Variants in TMEM38A observed in about 807,000 individuals in gnomAD.
TMEM38A encodes trimeric intracellular cation channel type A.
Under a neutral mutation model 28.6 loss-of-function variants are expected in TMEM38A, and 17 were observed. The ratio of observed to expected loss-of-function variants is 0.60; its 90% CI spans 0.41 to 0.89. TMEM38A has a LOEUF of 0.89. Ranked by LOEUF, TMEM38A falls within the 40% of genes least tolerant of loss-of-function variation. The probability of loss-of-function intolerance (pLI) is 0.00; values close to 1 mark genes in which losing one functional copy is unlikely to be tolerated. For missense variants in TMEM38A, 328 were observed against 393.1 expected, an observed-to-expected ratio of 0.83 and a Z score of 1.40; for synonymous variants, 169 against 166.1, an observed-to-expected ratio of 1.02 and a Z score of -0.14.
intron 5 of TMEM38A, among the ~76,000 whole-genome samples, chr19:16,686,661 C>G (rs1165713206): frequency 6.6e-6 from 1 of 152,116 alleles, no homozygotes; most frequent in Non-Finnish European, 1.5e-5. Flanking sequence ...GGCCCACTCT[C>G]TTGGGTACAG....
intron 1 of TMEM38A, among the ~76,000 whole-genome samples, chr19:16,668,603 G>A (rs544658491): frequency 4.2e-4 from 63 of 151,762 alleles, no homozygotes; most frequent in African/African-American, 1.4e-3. Context: ...GCTTCCCAAA[G>A]TGTTGGGATT....
chr19:16,686,526 A>T lies in TMEM38A; in HGVS notation c.672+121A>T, dbSNP rs929976528. 1.5e-5 allele frequency: 11 copies of T among 753,384 alleles called. No homozygotes were observed. In the Middle Eastern group the frequency reaches 1.1e-3, roughly 72 times the overall value. 46.7% of individuals were successfully genotyped at this position (753,384 alleles called of 1,614,324 possible). ...TGTGGCTGGGACAGGCAGCCCAGAG[A>T]GGGGAGATGCTTGCCAGTAGGTCAC... On this transcript the variant is annotated intron_variant, in intron 5 of 5. Coordinates refer to ENST00000187762, the MANE Select transcript of TMEM38A (RefSeq NM_024074.4).
intron 1 of TMEM38A, among the ~76,000 whole-genome samples, chr19:16,677,627 A>T (rs919564342): frequency 1.4e-5 from 2 of 142,536 alleles, no homozygotes; most frequent in African/African-American, 5.6e-5. Flanking sequence ...CATGCTCATG[A>T]CTCACTGCAG....
intron 1 of TMEM38A, among the ~76,000 whole-genome samples, chr19:16,664,933 G>A (rs2086696753): frequency 6.6e-6 from 1 of 152,006 alleles, no homozygotes; most frequent in Admixed American, 6.6e-5. Flanking sequence ...GGTCAAGGTT[G>A]GAAGATTGCT....
In TMEM38A at chr19:16,671,210, T is replaced by TTTTTTTTTTTTTG. The variant is rs1196438031; in HGVS notation, c.125-8762_125-8761insGTTTTTTTTTTTT. Among the ~76,000 whole-genome samples the TTTTTTTTTTTTTG allele has an allele frequency of 8.3e-5, 12 of 144,396 alleles. 1 individual carries two copies. The highest frequency in any genetic ancestry group is 2.7e-4 in the African/African-American group (10 of 37,404). 94.7% of individuals were successfully genotyped at this position (144,396 alleles called of 152,430 possible). A position where few individuals can be genotyped will look rare whatever the true frequency, so the allele number is the denominator to read the frequency against. ...GGGGAAAGGACCTGGGCTTTTTTTT[T>TTTTTTTTTTTTTG]TTTTTTTTTTTTTGAGGCGGAGTCT... On this transcript the variant is annotated intron_variant, in intron 1 of 5. Coordinates refer to ENST00000187762, the MANE Select transcript of TMEM38A (RefSeq NM_024074.4).
chr19:16,671,359 T>C (rs1599386787), intron 1 of TMEM38A, among the ~76,000 whole-genome samples: 1 of 152,040 alleles, frequency 6.6e-6, no homozygotes, highest in African/African-American at 2.4e-5. Context: ...TCCGCCACCA[T>C]ACCCAGCTAA....
intron 1 of TMEM38A, among the ~76,000 whole-genome samples, chr19:16,663,648 C>T (rs2086691751): frequency 2.0e-5 from 3 of 151,820 alleles, no homozygotes; most frequent in Non-Finnish European, 2.9e-5. Context: ...CCTGCCTCAG[C>T]CTCCCAAGTA....
intron 1 of TMEM38A, among the ~76,000 whole-genome samples, chr19:16,670,778 A>C (rs2086723876): frequency 6.6e-6 from 1 of 152,074 alleles, no homozygotes. Context: ...ATCTCTACTA[A>C]AAATACAAAA....
chr19:16,667,034 C>A (rs1280718042), intron 1 of TMEM38A, among the ~76,000 whole-genome samples: 4 of 151,360 alleles, frequency 2.6e-5, no homozygotes, highest in African/African-American at 9.7e-5. Flanking sequence ...TTTGGGAGGC[C>A]GAGGCGGGCG....
rs759726797 is a variant in TMEM38A at position 16,661,309 on chromosome 19, T to C, written c.92T>C (p.Ile31Thr). ...LFPVFDLSYF[I>T]VSILYLKYEP... ...CCCGTCTTCGACCTCAGTTACTTCA[T>C]CGTCTCCATCCTCTACCTCAAGTAT... The change falls in exon 1 of 6, where the codon ATC (isoleucine) becomes ACC (threonine). Residue 31 changes from isoleucine (I) to threonine (T), a missense_variant. Transcript: ENST00000187762. This position sits in a 1 kb window ranked among gnomAD's most constrained non-coding sequence, Gnocchi z 6.5. 4.1e-5 allele frequency: 66 copies of C among 1,595,758 alleles called. No individual in the cohort carries two copies. The highest frequency in any genetic ancestry group is 5.3e-5 in the Non-Finnish European group (62 of 1,171,804).
Position 16,661,388 on chromosome 19 carries a change from G to T in TMEM38A, c.124+47G>T. The T allele has an allele frequency of 6.7e-7, 1 of 1,484,962 alleles. No individual in the cohort carries two copies. 92.0% of individuals were successfully genotyped at this position (1,484,962 alleles called of 1,614,324 possible). A position where few individuals can be genotyped will look rare whatever the true frequency, so the allele number is the denominator to read the frequency against. ...GAGGGGACCGGCAGCGGGTGGCGCG[G>T]GCCGGGGCAGCTCGGGGGTCGCAGA... On this transcript the variant is annotated intron_variant, in intron 1 of 5. Transcript: ENST00000187762. The surrounding 1 kb of genome is among the most constrained non-coding windows in gnomAD (Gnocchi z 6.5).
intron 1 of TMEM38A, among the ~76,000 whole-genome samples, chr19:16,662,924 C>G (rs2086688439): frequency 6.6e-6 from 1 of 151,888 alleles, no homozygotes; most frequent in Admixed American, 6.6e-5. Flanking sequence ...GGCTATCTTT[C>G]CTTTCTGGGG....
At chr19:16,676,076 T>C (rs1387439374) in intron 1 of TMEM38A, among the ~76,000 whole-genome samples, 2 of 151,312 alleles carry the variant, frequency 1.3e-5, no homozygotes, top group Non-Finnish European at 2.9e-5. Context: ...GAGATCACAT[T>C]TTGGCCGGGC....
Position 16,680,563 on chromosome 19 carries a change from G to A in TMEM38A, c.448G>A (p.Ala150Thr), listed in dbSNP as rs1249357013. ...HYHHGWFVMI[A>T]TGWVKGSGVA... ...CCACCACGGGTGGTTCGTCATGATT[G>A]CAACTGGGTGGGTCAAAGGTAAATA... The change falls in exon 3 of 6, where the codon GCA becomes ACA. Residue 150 changes from alanine to threonine, a missense_variant. Physicochemically the swap from Ala to Thr is moderately conservative, Grantham distance 58. Transcript: ENST00000187762. 1 of 1,613,982 alleles carries A rather than the reference G, an allele frequency of 6.2e-7. No homozygotes were observed. Among genetic ancestry groups the A allele is most frequent in the South Asian group, 1.1e-5 (1 of 91,078 alleles).
At chr19:16,675,125 C>A (rs1407413371) in intron 1 of TMEM38A, among the ~76,000 whole-genome samples, 1 of 152,180 alleles carries the variant, frequency 6.6e-6, no homozygotes, top group Non-Finnish European at 1.5e-5. Flanking sequence ...GATCAGGGCA[C>A]TAACATGGTC....
At chr19:16,678,939 A>C (rs2086765388) in intron 1 of TMEM38A, among the ~76,000 whole-genome samples, 1 of 151,712 alleles carries the variant, frequency 6.6e-6, no homozygotes, top group Admixed American at 6.6e-5. Context: ...ACTTGAGTCC[A>C]AGAGTTGGAG....
chr19:16,679,847 G>T, intron 1 of TMEM38A, 137 bp from the exon 2 acceptor site: 1 of 874,362 alleles, frequency 1.1e-6, no homozygotes, highest in Non-Finnish European at 1.7e-6. Context: ...TCTGAACCTT[G>T]GTTCCTCCTC....
At position 16,680,017 on chromosome 19, in the gene TMEM38A, C is replaced by A. The variant is rs778995490; in HGVS notation, c.158C>A (p.Ala53Glu). Residue 53 changes from alanine (A) to glutamate (E), a missense_variant, in exon 2 of 6, where the codon GCG becomes GAG. Physicochemically the swap from Ala to Glu is moderately radical, Grantham distance 107 (BLOSUM62 -1). Coordinates refer to ENST00000187762, the MANE Select transcript of TMEM38A (RefSeq NM_024074.4). ...GAACTGTCCCGGCGCCACCCCATCG[C>A]GTCCTGGCTGTGCGCCATGCTGCAT... ...AVELSRRHPI[A>E]SWLCAMLHCF... 1.2e-6 allele frequency: 2 copies of A among 1,609,712 alleles called. No individual in the cohort carries two copies. The highest frequency in any genetic ancestry group is 1.3e-5 in the African/African-American group (1 of 74,944).
Position 16,663,832 on chromosome 19 carries a change from G to A in TMEM38A, c.124+2491G>A, listed in dbSNP as rs116873591. Among the ~76,000 whole-genome samples the A allele has an allele frequency of 5.2e-3, 783 of 151,714 alleles. 26 individuals carry two copies. The South Asian group carries it at 0.08, about 16-fold the overall frequency. ...ATTACAGGTGTGAGCCACTGCGCCC[G>A]GCCTCCTAGGAGCTTTTAAACCCCC... On this transcript the variant is annotated intron_variant, in intron 1 of 5. Coordinates refer to ENST00000187762, the MANE Select transcript of TMEM38A (RefSeq NM_024074.4).
Sources: gnomAD v4.1 joint callset for allele counts (sites outside exome capture counted in the v4.1 genomes callset) on GRCh38, gnomAD v4.1.1 for gene constraint, Gnocchi (gnomAD v3.1) non-coding constraint, MANE v1.5 for transcripts, NCBI Gene and HGNC (gene_info 2026-07-23, HGNC 2026-07-21) for gene names.